DPP10: variants seen among roughly 807,000 people sequenced by gnomAD.
DPP10 encodes the protein dipeptidyl peptidase like 10, also known as inactive dipeptidyl peptidase 10.
Under a neutral mutation model 120.9 loss-of-function variants are expected in DPP10, and 33 were observed. That is an observed-to-expected ratio of 0.27 (90% CI 0.21 to 0.37). The LOEUF (loss-of-function observed/expected upper bound fraction) is 0.37. Ranked by LOEUF, DPP10 falls within the 10% of genes least tolerant of loss-of-function variation. DPP10 has a pLI of 1.00. For missense variants in DPP10, 816 were observed against 942.8 expected, an observed-to-expected ratio of 0.87 and a Z score of 1.76; for synonymous variants, 337 against 326.1, an observed-to-expected ratio of 1.03 and a Z score of -0.36.
At chr2:114,571,395 A>T (rs1689634557) in intron 1 of DPP10, among the ~76,000 whole-genome samples, 1 of 152,170 alleles carries the variant, frequency 6.6e-6, no homozygotes, top group African/African-American at 2.4e-5. Context: ...AGGCCTTCCC[A>T]GAAGCCAAGC....
At chr2:115,514,858 G>A (rs2077416704) in intron 4 of DPP10, among the ~76,000 whole-genome samples, 1 of 151,696 alleles carries the variant, frequency 6.6e-6, no homozygotes, top group Admixed American at 6.6e-5. Flanking sequence ...ATGAAGCCAT[G>A]TAAATATTTG....
At chr2:114,494,991 G>C (rs1281052432) in intron 1 of DPP10, among the ~76,000 whole-genome samples, 2 of 151,916 alleles carry the variant, frequency 1.3e-5, no homozygotes, top group African/African-American at 2.4e-5. Context: ...TTCTATCAGC[G>C]CTTTTGTGAA....
chr2:115,742,077 A>G (rs1270011603), intron 9 of DPP10, among the ~76,000 whole-genome samples: 4 of 152,156 alleles, frequency 2.6e-5, no homozygotes, highest in Non-Finnish European at 5.9e-5. Flanking sequence ...TTATGTTTTC[A>G]GGGAGACTTT....
intron 1 of DPP10, among the ~76,000 whole-genome samples, chr2:114,684,445 G>A (rs1699235668): frequency 6.6e-6 from 1 of 152,010 alleles, no homozygotes; most frequent in Admixed American, 6.6e-5. Context: ...AAAACAGGAT[G>A]AGGTTAGCAT....
chr2:115,531,955 T>C (rs1277187126), intron 5 of DPP10, among the ~76,000 whole-genome samples: 4 of 152,142 alleles, frequency 2.6e-5, no homozygotes, highest in African/African-American at 2.4e-5. Context: ...TTTCAAGTAT[T>C]GTATAACAGA....
At chr2:115,418,362 C>G (rs773793795) in intron 3 of DPP10, among the ~76,000 whole-genome samples, 1 of 151,878 alleles carries the variant, frequency 6.6e-6, no homozygotes, top group Non-Finnish European at 1.5e-5. Context: ...AGGGTAGATA[C>G]GCAGTGAGAG....
At chr2:115,281,387 T>G (rs1243996151) in intron 1 of DPP10, among the ~76,000 whole-genome samples, 1 of 152,166 alleles carries the variant, frequency 6.6e-6, no homozygotes, top group Non-Finnish European at 1.5e-5. Flanking sequence ...TTCAGTTGTA[T>G]TTCAGACACC....
At chr2:115,215,526 G>A (rs1384341392) in intron 1 of DPP10, among the ~76,000 whole-genome samples, 1 of 152,102 alleles carries the variant, frequency 6.6e-6, no homozygotes, top group African/African-American at 2.4e-5. Flanking sequence ...AGTGGGCAAA[G>A]ATGTGGAGAA....
intron 1 of DPP10, among the ~76,000 whole-genome samples, chr2:115,085,114 A>G (rs1398746903): frequency 5.3e-5 from 8 of 152,228 alleles, no homozygotes; most frequent in Non-Finnish European, 1.0e-4. Flanking sequence ...AGCAAGGCTT[A>G]GACCACCTGA....
At chr2:114,664,632 A>G (rs1236505552) in intron 1 of DPP10, among the ~76,000 whole-genome samples, 1 of 151,374 alleles carries the variant, frequency 6.6e-6, no homozygotes, top group African/African-American at 2.4e-5. Flanking sequence ...GTCTCAAAAA[A>G]AAAAAAAAAA....
chr2:115,721,493 C>T (rs1219230049), intron 7 of DPP10, among the ~76,000 whole-genome samples: 1 of 151,984 alleles, frequency 6.6e-6, no homozygotes, highest in Non-Finnish European at 1.5e-5. Flanking sequence ...CATACATAAA[C>T]TTGTATAAGT....
intron 2 of DPP10, among the ~76,000 whole-genome samples, chr2:115,317,817 C>T (rs1176014026): frequency 1.3e-5 from 2 of 151,928 alleles, no homozygotes; most frequent in Non-Finnish European, 2.9e-5. Flanking sequence ...AAGGGACTTG[C>T]TGGTTTTACT....
At chr2:114,524,554 A>G (rs992995934) in intron 1 of DPP10, among the ~76,000 whole-genome samples, 4 of 152,266 alleles carry the variant, frequency 2.6e-5, no homozygotes, top group Admixed American at 1.3e-4. Context: ...AAAAAGATGT[A>G]TATATCAAGT....
intron 1 of DPP10, among the ~76,000 whole-genome samples, chr2:114,517,880 T>A (rs965932090): frequency 2.0e-5 from 3 of 152,172 alleles, no homozygotes; most frequent in Admixed American, 2.0e-4. Context: ...GTGGAGGACC[T>A]CTGAGGTTTA....
At chr2:114,519,700 GTTC>G (rs1684893683) in intron 1 of DPP10, among the ~76,000 whole-genome samples, 1 of 152,154 alleles carries the variant, frequency 6.6e-6, no homozygotes, top group Non-Finnish European at 1.5e-5. Context: ...AACAGCAAAT[GTTC>G]TTCTCAGATT....
At chr2:115,002,404 A>T (rs1167813217) in intron 1 of DPP10, among the ~76,000 whole-genome samples, 1 of 152,204 alleles carries the variant, frequency 6.6e-6, no homozygotes, top group East Asian at 1.9e-4. Context: ...GTAAAACCTA[A>T]AACTATAAAA....
At chr2:114,951,781 T>C (rs1484863614) in intron 1 of DPP10, among the ~76,000 whole-genome samples, 2 of 152,120 alleles carry the variant, frequency 1.3e-5, no homozygotes, top group African/African-American at 4.8e-5. Context: ...TTTCACCTCA[T>C]ATTAGAGTTT....
At chr2:115,210,994 G>A (rs1465516095) in intron 1 of DPP10, among the ~76,000 whole-genome samples, 1 of 152,008 alleles carries the variant, frequency 6.6e-6, no homozygotes, top group Non-Finnish European at 1.5e-5. Flanking sequence ...AGACATTTAT[G>A]TTTTAAGGTA....
chr2:114,652,063 C>T (rs1364065979), intron 1 of DPP10, among the ~76,000 whole-genome samples: 2 of 151,942 alleles, frequency 1.3e-5, no homozygotes, highest in Admixed American at 1.3e-4. Context: ...AGGGTCAGTG[C>T]GTGCAAGGGA....
Sources: allele counts gnomAD v4.1 joint callset (sites outside exome capture counted in the v4.1 genomes callset), GRCh38; gene constraint gnomAD v4.1.1; transcripts MANE v1.5; gene names NCBI Gene and HGNC (gene_info 2026-07-23, HGNC 2026-07-21).